The following ZDHHC23 variants were observed in gnomAD, a reference collection of about 807,000 sequenced individuals.
ZDHHC23 encodes palmitoyltransferase ZDHHC23.
Under a neutral mutation model 40.2 loss-of-function variants are expected in ZDHHC23, and 41 were observed. That is an observed-to-expected ratio of 1.02 (90% CI 0.79 to 1.32). The LOEUF is 1.32. Among genes scored for constraint, ZDHHC23 ranks in the 40% most tolerant of loss-of-function variants. The pLI is 0.00. For synonymous variants in ZDHHC23, 204 were observed against 210.2 expected (o/e 0.97, Z 0.26); for missense variants, 471 against 541.5 (o/e 0.87, Z 1.29).
intron 2 of ZDHHC23, among the ~76,000 whole-genome samples, chr3:113,952,618 ACTT>A (rs551605804): frequency 3.7e-4 from 56 of 152,328 alleles, no homozygotes; most frequent in African/African-American, 1.3e-3. Flanking sequence ...GCAACATCCT[ACTT>A]CTTAGTACCA....
chr3:113,951,728 T>A (rs572926855), intron 2 of ZDHHC23, among the ~76,000 whole-genome samples: 1 of 152,368 alleles, frequency 6.6e-6, no homozygotes, highest in African/African-American at 2.4e-5. Flanking sequence ...TGATCTCATC[T>A]ACATCCTTGC....
chr3:113,969,180 TA>T (rs1369252654), downstream of ZDHHC23, among the ~76,000 whole-genome samples: 4 of 152,168 alleles, frequency 2.6e-5, no homozygotes, highest in African/African-American at 9.6e-5. Context: ...ATGACCCAAA[TA>T]CCTCCCATTA....
At position 113,960,928 on chromosome 3, in the gene ZDHHC23, C is replaced by T; in HGVS notation, c.*2298C>T. On this transcript the variant is annotated 3_prime_UTR_variant, in exon 5 of 5. Transcript: ENST00000638807. Reference sequence around the variant, plus strand: ...CGTCTGTACCGAAAGGAGCAGCAAACAAGGGGCTAATCCATGAGCAGTGTT... The same window carrying T: ...CGTCTGTACCGAAAGGAGCAGCAAATAAGGGGCTAATCCATGAGCAGTGTT... 1.4e-6 allele frequency: 1 copy of T among 729,362 alleles called. No homozygotes were observed. Among genetic ancestry groups the T allele is most frequent in the Non-Finnish European group, 2.1e-6 (1 of 485,126 alleles). The allele number at this position is 729,362 out of a possible 1,614,324, so 45.2% of individuals were successfully genotyped here.
At chr3:113,966,956 C>T (rs1391424792), downstream of ZDHHC23, among the ~76,000 whole-genome samples, 4 of 151,414 alleles carry the variant, frequency 2.6e-5, no homozygotes, top group Admixed American at 6.6e-5. Context: ...AAAATTAGCC[C>T]GGCATGGTGG....
At chr3:113,957,095 G>T (rs1939300529) in intron 4 of ZDHHC23, among the ~76,000 whole-genome samples, 1 of 152,016 alleles carries the variant, frequency 6.6e-6, no homozygotes, top group African/African-American at 2.4e-5. Context: ...TTTATAGATT[G>T]TGAAGATTTC....
the ZDHHC23 span, among the ~76,000 whole-genome samples, chr3:113,975,303 A>C: frequency 6.6e-6 from 1 of 152,224 alleles, no homozygotes; most frequent in Non-Finnish European, 1.5e-5. Context: ...TTGCAGCTTA[A>C]AGGTCAGGCT....
downstream of ZDHHC23, among the ~76,000 whole-genome samples, chr3:113,970,399 ATCCT>A (rs973584470): frequency 1.3e-5 from 2 of 151,896 alleles, no homozygotes; most frequent in African/African-American, 4.8e-5. Flanking sequence ...GCCTCAAGTG[ATCCT>A]TCCATAGTGG....
In ZDHHC23 at chr3:113,959,871, G is replaced by T; in HGVS notation, c.*1241G>T. 1.0e-6 allele frequency: 1 copy of T among 998,170 alleles called. No homozygotes were observed. Among genetic ancestry groups the T allele is most frequent in the South Asian group, 4.5e-5 (1 of 22,458 alleles). 61.8% of individuals were successfully genotyped at this position (998,170 alleles called of 1,614,324 possible). On this transcript the variant is annotated 3_prime_UTR_variant, in exon 5 of 5. Transcript: ENST00000638807. ...ATTACTGTTCTTCCCTGGCTCTTCC[G>T]ACAATAACAAGTTGTTTCTTTAATC...
intron 1 of ZDHHC23, 195 bp downstream of exon 1, chr3:113,948,385 A>G (rs1577241718): frequency 5.4e-6 from 1 of 185,580 alleles, no homozygotes. Context: ...GCCTTTCCCT[A>G]TAGCCCCGAG....
Position 113,962,070 on chromosome 3 carries a change from C to T in ZDHHC23, c.*3440C>T, listed in dbSNP as rs1268916293. 6.6e-6 allele frequency: 1 copy of T among 152,592 alleles called. No individual in the cohort carries two copies. Among genetic ancestry groups the T allele is most frequent in the East Asian group, 1.9e-4 (1 of 5,202 alleles). 9.5% of individuals were successfully genotyped at this position (152,592 alleles called of 1,614,324 possible). On this transcript the variant is annotated 3_prime_UTR_variant, in exon 5 of 5. Coordinates refer to ENST00000638807, the MANE Select transcript of ZDHHC23 (RefSeq NM_001320466.2). ...TTTTGAAAAGTAGAGGTTGCTTAAGCAAGCAATGGATAATAAGAGACTTTT... is the reference window on the plus strand; with the variant it reads ...TTTTGAAAAGTAGAGGTTGCTTAAGTAAGCAATGGATAATAAGAGACTTTT...
In ZDHHC23 at chr3:113,959,730, G is replaced by A. The variant is rs928503221; in HGVS notation, c.*1100G>A. 2.2e-5 allele frequency: 24 copies of A among 1,082,800 alleles called. No individual in the cohort carries two copies. The East Asian group carries it at 1.3e-3, about 60-fold the overall frequency. 67.1% of individuals were successfully genotyped at this position (1,082,800 alleles called of 1,614,324 possible). ...ATTATTCTGGTATGAACTTTGAGGA[G>A]TTGAGTGACATCTTCCCACTTAACT... On this transcript the variant is annotated 3_prime_UTR_variant, in exon 5 of 5. Coordinates refer to ENST00000638807, the MANE Select transcript of ZDHHC23 (RefSeq NM_001320466.2).
chr3:113,978,651 C>G, the ZDHHC23 span: 1 of 622,032 alleles, frequency 1.6e-6, no homozygotes, highest in Non-Finnish European at 2.7e-6. Flanking sequence ...TATACACACT[C>G]CGTGAAACAA....
At chr3:113,952,587 C>T (rs1442030965) in intron 2 of ZDHHC23, among the ~76,000 whole-genome samples, 1 of 152,236 alleles carries the variant, frequency 6.6e-6, no homozygotes, top group Non-Finnish European at 1.5e-5. Context: ...GCTGCATCCA[C>T]ATTTTTAGAT....
In ZDHHC23 at chr3:113,960,853, T is replaced by A. The variant is rs1245544653; in HGVS notation, c.*2223T>A. ...CCATGATGGACAGTTGACAGAATGC[T>A]TAAACCTGTCAAAAGATGAGTGATC... is the stretch of plus-strand genomic sequence containing the variant. On this transcript the variant is annotated 3_prime_UTR_variant, in exon 5 of 5. Coordinates refer to ENST00000638807, the MANE Select transcript of ZDHHC23 (RefSeq NM_001320466.2). 2.8e-6 allele frequency: 4 copies of A among 1,422,418 alleles called. No individual in the cohort carries two copies. The African/African-American group carries it at 6.0e-5, about 21-fold the overall frequency. 88.1% of individuals were successfully genotyped at this position (1,422,418 alleles called of 1,614,324 possible).
At position 113,958,516 on chromosome 3, in the gene ZDHHC23, C is replaced by G; in HGVS notation, c.1194C>G (p.Leu398=). The change falls in exon 5 of 5, where the codon CTC becomes CTG. Residue 398 remains leucine (L), a synonymous_variant. Coordinates refer to ENST00000638807, the MANE Select transcript of ZDHHC23 (RefSeq NM_001320466.2). Reference sequence around the variant, plus strand: ...GACAGAAGACTGGGCGCCGGCTCCTCTGCGGGCTCATCGTGGACACAGGCC... The same window carrying G: ...GACAGAAGACTGGGCGCCGGCTCCTGTGCGGGCTCATCGTGGACACAGGCC... ...ALRQKTGRRL[L]CGLIVDTGQY... 6.2e-7 allele frequency: 1 copy of G among 1,613,872 alleles called. No individual in the cohort carries two copies.
the ZDHHC23 span, among the ~76,000 whole-genome samples, chr3:113,976,556 G>T: frequency 2.0e-5 from 3 of 151,590 alleles, no homozygotes; most frequent in African/African-American, 7.3e-5. Context: ...CTCTCAGCCT[G>T]TATATAGTGG....
rs1939447710 is a variant in ZDHHC23, at chr3:113,958,526, A to G, written c.1204A>G (p.Ile402Val). 3 of 1,613,610 alleles carry G rather than the reference A, an allele frequency of 1.9e-6. No homozygotes were observed. Among genetic ancestry groups the G allele is most frequent in the Non-Finnish European group, 2.5e-6 (3 of 1,180,018 alleles). ...TGGGCGCCGGCTCCTCTGCGGGCTCATCGTGGACACAGGCCAGTACAATAG... is the reference window on the plus strand; with the variant it reads ...TGGGCGCCGGCTCCTCTGCGGGCTCGTCGTGGACACAGGCCAGTACAATAG... ...KTGRRLLCGL[I>V]VDTGQYNRGF... The change falls in exon 5 of 5, where the codon ATC becomes GTC. Residue 402 changes from isoleucine (I) to valine (V), a missense_variant. Coordinates refer to ENST00000638807, the MANE Select transcript of ZDHHC23 (RefSeq NM_001320466.2).
At chr3:113,950,124 C>T (rs1284687041) in intron 2 of ZDHHC23, among the ~76,000 whole-genome samples, 3 of 152,182 alleles carry the variant, frequency 2.0e-5, no homozygotes, top group Non-Finnish European at 2.9e-5. Flanking sequence ...CTCTGTACCC[C>T]TCTCCTCTGT....
At chr3:113,972,886 G>GT in the ZDHHC23 span, among the ~76,000 whole-genome samples, 2 of 152,012 alleles carry the variant, frequency 1.3e-5, no homozygotes, top group East Asian at 3.9e-4. Flanking sequence ...TTCCTGCTGT[G>GT]TTTTTGGTTT....
Sources: gnomAD v4.1 joint callset for allele counts (sites outside exome capture counted in the v4.1 genomes callset) on GRCh38, gnomAD v4.1.1 for gene constraint, MANE v1.5 for transcripts, NCBI Gene and HGNC (gene_info 2026-07-23, HGNC 2026-07-21) for gene names.